The following SUSD3 variants were observed in gnomAD, a reference collection of about 807,000 sequenced individuals.
SUSD3 encodes the protein sushi domain containing 3.
Under a neutral mutation model 20.6 loss-of-function variants are expected in SUSD3, and 18 were observed. That is an observed-to-expected ratio of 0.87 (90% CI 0.60 to 1.30). The LOEUF (loss-of-function observed/expected upper bound fraction) is 1.30. SUSD3 is among the 50% of genes most tolerant of loss of function. The pLI, the probability that SUSD3 is intolerant of heterozygous loss-of-function variation, is 0.00. For missense variants in SUSD3, 306 were observed against 346.9 expected (o/e 0.88, Z 0.94); for synonymous variants, 137 against 141.5 (o/e 0.97, Z 0.23).
At chr9:93,066,197 C>T (rs1379528676) in intron 1 of SUSD3, among the ~76,000 whole-genome samples, 1 of 152,216 alleles carries the variant, frequency 6.6e-6, no homozygotes, top group Non-Finnish European at 1.5e-5. Flanking sequence ...ATCTTTTTAA[C>T]CCTGACAGAG....
At chr9:93,074,167 G>A (rs1358701662) in intron 1 of SUSD3, among the ~76,000 whole-genome samples, 9 of 152,022 alleles carry the variant, frequency 5.9e-5, no homozygotes, top group East Asian at 5.8e-4. Context: ...ATCACTGGCC[G>A]GGTGTGGTGG....
intron 1 of SUSD3, among the ~76,000 whole-genome samples, chr9:93,072,740 C>T (rs1191335786): frequency 1.3e-5 from 2 of 152,186 alleles, no homozygotes; most frequent in Non-Finnish European, 2.9e-5. Flanking sequence ...TGCAGCCTAC[C>T]GCAGATGTCT....
intron 1 of SUSD3, among the ~76,000 whole-genome samples, chr9:93,067,371 T>C (rs1825755676): frequency 6.6e-6 from 1 of 152,272 alleles, no homozygotes. Context: ...TTACAAATAA[T>C]GCTGCTGTGA....
chr9:93,080,772 C>T (rs1208464384), intron 4 of SUSD3, among the ~76,000 whole-genome samples: 2 of 152,234 alleles, frequency 1.3e-5, no homozygotes, highest in African/African-American at 2.4e-5. Flanking sequence ...CTGCCAGATC[C>T]GCTCTTGCCT....
intron 1 of SUSD3, among the ~76,000 whole-genome samples, chr9:93,065,754 C>T (rs1206433000): frequency 6.6e-6 from 1 of 152,252 alleles, no homozygotes; most frequent in Non-Finnish European, 1.5e-5. Flanking sequence ...GATCACGACT[C>T]TTGCCTGTGA....
chr9:93,069,137 CA>C, intron 1 of SUSD3: 1 of 702,508 alleles, frequency 1.4e-6, no homozygotes. Context: ...TGGGAAATTC[CA>C]GAGATAATTT....
At chr9:93,084,058 C>T (rs1826537156) in intron 4 of SUSD3, among the ~76,000 whole-genome samples, 1 of 152,078 alleles carries the variant, frequency 6.6e-6, no homozygotes, top group South Asian at 2.1e-4. Flanking sequence ...AGTAGAGAGC[C>T]ACAAGAGTAC....
intron 1 of SUSD3, among the ~76,000 whole-genome samples, chr9:93,066,449 G>A (rs1044010613): frequency 6.6e-6 from 1 of 152,112 alleles, no homozygotes; most frequent in African/African-American, 2.4e-5. Flanking sequence ...GGTCAGGCGG[G>A]TCTCAAACTG....
intron 4 of SUSD3, among the ~76,000 whole-genome samples, chr9:93,081,822 A>G (rs1349281639): frequency 2.0e-5 from 3 of 151,046 alleles, no homozygotes; most frequent in African/African-American, 7.2e-5. Flanking sequence ...CATTCCTTAC[A>G]GCAGCCCATT....
intron 4 of SUSD3, among the ~76,000 whole-genome samples, chr9:93,082,378 C>T (rs918823354): frequency 7.4e-6 from 1 of 134,640 alleles, no homozygotes; most frequent in Non-Finnish European, 1.5e-5. Flanking sequence ...AGTTCAGTGG[C>T]GCGATCTCGG....
intron 4 of SUSD3, among the ~76,000 whole-genome samples, chr9:93,083,355 C>G (rs957053894): frequency 1.1e-4 from 16 of 152,188 alleles, no homozygotes; most frequent in Non-Finnish European, 2.4e-4. Flanking sequence ...CAGCCCTGGG[C>G]CCCGGGCTCC....
intron 1 of SUSD3, among the ~76,000 whole-genome samples, chr9:93,073,218 C>T (rs1241551738): frequency 1.3e-5 from 2 of 151,540 alleles, no homozygotes; most frequent in East Asian, 3.9e-4. Context: ...ACACACCATG[C>T]ATCAGCACGG....
At chr9:93,069,003 T>C in intron 1 of SUSD3, 1 of 613,318 alleles carries the variant, frequency 1.6e-6, no homozygotes, top group South Asian at 1.9e-5. Flanking sequence ...GTAATGTGAA[T>C]GTGGTCTCTC....
chr9:93,082,086 A>G (rs1035640934), intron 4 of SUSD3, among the ~76,000 whole-genome samples: 6 of 152,110 alleles, frequency 3.9e-5, no homozygotes, highest in Non-Finnish European at 5.9e-5. Flanking sequence ...TTTGTTTATC[A>G]TTTGTTTCTT....
At chr9:93,080,044 T>C (rs1826344986) in intron 4 of SUSD3, among the ~76,000 whole-genome samples, 1 of 152,130 alleles carries the variant, frequency 6.6e-6, no homozygotes, top group Non-Finnish European at 1.5e-5. Flanking sequence ...TTAATACTGA[T>C]TGGCCAGGCT....
Position 93,084,826 on chromosome 9 carries a change from A to C in SUSD3, c.*79A>C, listed in dbSNP as rs1826589905. The C allele has an allele frequency of 7.8e-7, 1 of 1,276,560 alleles. No homozygotes were observed. The highest frequency in any genetic ancestry group is 1.5e-5 in the African/African-American group (1 of 65,594). 79.1% of individuals were successfully genotyped at this position (1,276,560 alleles called of 1,614,324 possible). ...ACCAGCCAGTCAGCTACAACTCCAC[A>C]TCAACTCCACATGCGCCCAGCTCGA... On this transcript the variant is annotated 3_prime_UTR_variant, in exon 5 of 5. Transcript: ENST00000375472.
chr9:93,077,580 A>G (rs1254419912), intron 2 of SUSD3, among the ~76,000 whole-genome samples: 2 of 152,140 alleles, frequency 1.3e-5, no homozygotes, highest in Non-Finnish European at 2.9e-5. Flanking sequence ...GCCACTCTGC[A>G]TACTCCTACA....
intron 1 of SUSD3, among the ~76,000 whole-genome samples, chr9:93,073,438 C>G (rs530738111): frequency 6.6e-6 from 1 of 152,016 alleles, no homozygotes; most frequent in Admixed American, 6.6e-5. Flanking sequence ...TTAGTAAAGA[C>G]GGGGTTTCAC....
Position 93,084,657 on chromosome 9 carries a change from G to C in SUSD3, c.678G>C (p.Met226Ile). 1 of 1,608,612 alleles carries C rather than the reference G, an allele frequency of 6.2e-7. No homozygotes were observed. Among genetic ancestry groups the C allele is most frequent in the Non-Finnish European group, 8.5e-7 (1 of 1,177,550 alleles). ...GSSSSPQAQV[M>I]VHMANPRQPL... is the part of the protein sequence containing the mutation. ...CCAGCTCACCCCAAGCCCAGGTGAT[G>C]GTGCACATGGCAAACCCCAGACAGC... The change falls in exon 5 of 5, where the codon ATG becomes ATC. Residue 226 changes from methionine to isoleucine, a missense_variant. Physicochemically the swap from Met to Ile is conservative, Grantham distance 10. Coordinates refer to ENST00000375472, the MANE Select transcript of SUSD3 (RefSeq NM_145006.4).
Sources: gnomAD v4.1 joint callset for allele counts (sites outside exome capture counted in the v4.1 genomes callset) on GRCh38, gnomAD v4.1.1 for gene constraint, MANE v1.5 for transcripts, NCBI Gene and HGNC (gene_info 2026-07-23, HGNC 2026-07-21) for gene names.